The following C4orf51 variants were observed in gnomAD, a reference collection of about 807,000 sequenced individuals.
C4orf51 encodes uncharacterized protein C4orf51.
C4orf51 carries 25 observed loss-of-function variants against 25.2 expected under a neutral mutation model. That is an observed-to-expected ratio of 0.99 (90% CI 0.72 to 1.39). The LOEUF is 1.39. C4orf51 is among the 40% of genes most tolerant of loss of function. The pLI, the probability that C4orf51 is intolerant of heterozygous loss-of-function variation, is 0.00. For synonymous variants in C4orf51, 100 were observed against 84.5 expected (o/e 1.18, Z -1.01); for missense variants, 252 against 239.6 (o/e 1.05, Z -0.34).
intron 2 of C4orf51, among the ~76,000 whole-genome samples, chr4:145,701,462 G>A (rs1356908432): frequency 1.3e-5 from 2 of 152,000 alleles, no homozygotes; most frequent in Non-Finnish European, 2.9e-5. Context: ...GGACCCCACT[G>A]GAAATTGGAC....
intron 2 of C4orf51, 29 bp downstream of exon 2, chr4:145,696,661 C>T (rs1213885477): frequency 1.3e-6 from 2 of 1,547,394 alleles, no homozygotes; most frequent in Non-Finnish European, 1.8e-6. Flanking sequence ...GTTTCTGGGC[C>T]CAGCCCTTTT....
intron 1 of C4orf51, among the ~76,000 whole-genome samples, chr4:145,684,460 T>C (rs1402159184): frequency 3.9e-5 from 6 of 152,144 alleles, no homozygotes; most frequent in East Asian, 1.9e-4. Context: ...CCAGCCTGGG[T>C]GACAGAGCGA....
At chr4:145,696,486 G>GT in intron 1 of C4orf51, 73 bp from the exon 2 acceptor site, 3 of 1,218,262 alleles carry the variant, frequency 2.5e-6, no homozygotes, top group Non-Finnish European at 3.6e-6. Context: ...GGAAATCCCT[G>GT]TAAGTCCACA....
At chr4:145,758,881 GA>G (rs1560875565), downstream of C4orf51, 1 of 152,406 alleles carries the variant, frequency 6.6e-6, no homozygotes, top group Non-Finnish European at 1.5e-5. Context: ...TAGGTGTGGG[GA>G]AGAGGGGCTG....
At chr4:145,727,895 G>GTA (rs35521926) in intron 3 of C4orf51, among the ~76,000 whole-genome samples, 15,842 of 101,106 alleles carry the variant, frequency 0.16, 1,197 homozygotes, top group Admixed American at 0.23. Flanking sequence ...AAAAAAATGT[G>GTA]TATATATATA....
the C4orf51 span, among the ~76,000 whole-genome samples, chr4:145,789,909 C>T: frequency 6.6e-6 from 1 of 152,256 alleles, no homozygotes; most frequent in African/African-American, 2.4e-5. Flanking sequence ...TTTGGAGGCT[C>T]TGCCTCTTTT....
chr4:145,708,643 T>C (rs1727071825), intron 2 of C4orf51, among the ~76,000 whole-genome samples: 1 of 152,214 alleles, frequency 6.6e-6, no homozygotes, highest in Non-Finnish European at 1.5e-5. Context: ...TCCTTGTTTA[T>C]CCTTGGGGTT....
At chr4:145,727,895 G>GTGTATATATATATATATATATA (rs529040880) in intron 3 of C4orf51, among the ~76,000 whole-genome samples, 3 of 101,638 alleles carry the variant, frequency 3.0e-5, no homozygotes, top group South Asian at 5.9e-4. Flanking sequence ...AAAAAAATGT[G>GTGTATATATATATATATATATA]TATATATATA....
intron 1 of C4orf51, among the ~76,000 whole-genome samples, chr4:145,745,180 G>T (rs1015962368): frequency 3.3e-5 from 5 of 152,102 alleles, no homozygotes; most frequent in African/African-American, 7.2e-5. Context: ...GGTAAATGGG[G>T]TATCCATCAC....
chr4:145,790,557 C>T, the C4orf51 span, among the ~76,000 whole-genome samples: 1 of 152,186 alleles, frequency 6.6e-6, no homozygotes, highest in Non-Finnish European at 1.5e-5. Flanking sequence ...ATTCAAGTCA[C>T]AGTCATTTCC....
downstream of C4orf51, among the ~76,000 whole-genome samples, chr4:145,733,772 T>G (rs1435281592): frequency 2.6e-5 from 4 of 152,134 alleles, no homozygotes; most frequent in African/African-American, 9.7e-5. Context: ...CATTAAGCTC[T>G]CCAAAAGCAT....
downstream of C4orf51, among the ~76,000 whole-genome samples, chr4:145,757,371 G>A (rs538571094): frequency 6.6e-6 from 1 of 152,310 alleles, no homozygotes; most frequent in East Asian, 1.9e-4. Context: ...TTTCAGGAAG[G>A]AGCTGGCCTG....
At chr4:145,729,865 C>T (rs778847301) in intron 4 of C4orf51, 27 bp from the exon 5 acceptor site, 3 of 1,594,844 alleles carry the variant, frequency 1.9e-6, no homozygotes, top group Non-Finnish European at 2.6e-6. Context: ...CGCAAACACT[C>T]ACACATTGGC....
At chr4:145,767,656 A>C (rs1735515611) in intron 1 of C4orf51, among the ~76,000 whole-genome samples, 2 of 152,242 alleles carry the variant, frequency 1.3e-5, no homozygotes, top group Non-Finnish European at 2.9e-5. Flanking sequence ...AAAAACAAGG[A>C]TGACAGTGGA....
downstream of C4orf51, among the ~76,000 whole-genome samples, chr4:145,755,405 G>T (rs1733883308): frequency 6.6e-6 from 1 of 152,172 alleles, no homozygotes; most frequent in Admixed American, 6.5e-5. Context: ...TCTGCTCCAG[G>T]TTTATAATTC....
chr4:145,699,283 C>G (rs771209439), intron 2 of C4orf51, among the ~76,000 whole-genome samples: 1 of 100,718 alleles, frequency 9.9e-6, no homozygotes, highest in African/African-American at 4.2e-5. Context: ...AATTTGGTGC[C>G]GTGACTTGGA....
chr4:145,691,463 A>G (rs1729555579), intron 1 of C4orf51, among the ~76,000 whole-genome samples: 3 of 152,328 alleles, frequency 2.0e-5, no homozygotes, highest in Non-Finnish European at 1.5e-5. Flanking sequence ...AAGGAAAGTA[A>G]ATCATTTCAC....
At chr4:145,760,901 T>C in intron 1 of C4orf51, 1 of 1,232,974 alleles carries the variant, frequency 8.1e-7, no homozygotes, top group South Asian at 1.4e-5. Flanking sequence ...AAGTGGTTCT[T>C]GGGGTATAAC....
rs141147414 is a variant in C4orf51 at position 145,742,532 on chromosome 4, G to GTTT, written n.167+9936_167+9938dup. Reference sequence around the variant, plus strand: ...TACACGACAGCATTTTCTTTTTCTTGTTTTTTTTTTTTTTTTTTTTTTTTT... The same window carrying GTTT: ...TACACGACAGCATTTTCTTTTTCTTGTTTTTTTTTTTTTTTTTTTTTTTTTTTT... On this transcript the variant is annotated intron_variant and non_coding_transcript_variant, in intron 1 of 1. Transcript: ENST00000508981. 4.6e-3 allele frequency among the ~76,000 whole-genome samples: 487 copies of GTTT among 104,952 alleles called. 5 individuals carry two copies. Among genetic ancestry groups the GTTT allele is most frequent in the African/African-American group, 5.8e-3 (142 of 24,538 alleles). The allele number at this position is 104,952 out of a possible 152,430, so 68.9% of individuals were successfully genotyped here.
Sources: allele counts gnomAD v4.1 joint callset (sites outside exome capture counted in the v4.1 genomes callset), GRCh38; gene constraint gnomAD v4.1.1; transcripts MANE v1.5; gene names NCBI Gene and HGNC (gene_info 2026-07-23, HGNC 2026-07-21).